Variants in TBX19 observed in about 807,000 individuals in gnomAD.
The protein encoded by TBX19 is T-box transcription factor TBX19.
TBX19 carries 33 observed loss-of-function variants against 40.9 expected under a neutral mutation model. That is an observed-to-expected ratio of 0.81 (90% CI 0.61 to 1.08). The LOEUF (loss-of-function observed/expected upper bound fraction) is 1.08. Ranked by LOEUF, TBX19 falls within the 50% of genes least tolerant of loss-of-function variation. TBX19 has a pLI of 0.00. For missense variants in TBX19, 494 were observed against 574.0 expected, an observed-to-expected ratio of 0.86 and a Z score of 1.42; for synonymous variants, 220 against 225.0, an observed-to-expected ratio of 0.98 and a Z score of 0.20.
chr1:168,297,139 G>T (rs918686453), intron 3 of TBX19, among the ~76,000 whole-genome samples: 2 of 152,166 alleles, frequency 1.3e-5, no homozygotes, highest in Admixed American at 6.5e-5. Context: ...AATGAGAAAT[G>T]AAGCAGGCTC....
At position 168,291,245 on chromosome 1, in the gene TBX19, G is replaced by T. The variant is rs2102353467; in HGVS notation, c.289G>T (p.Asp97Tyr). The T allele has an allele frequency of 6.2e-7, 1 of 1,614,228 alleles. No individual in the cohort carries two copies. The highest frequency in any genetic ancestry group is 1.3e-5 in the African/African-American group (1 of 75,060). ...CCTCCTGCTGGACTTTGTCCCTACG[G>T]ACAGTCACCGCTGGAAGTACGTCAA... ...YSLLLDFVPT[D>Y]SHRWKYVNGE... The change falls in exon 2 of 8, where the codon GAC becomes TAC. Residue 97 changes from aspartate (D) to tyrosine (Y), a missense_variant. Around this residue, in one of 3 missense-constraint regions of TBX19, gnomAD observed 201 missense variants for 235.2 expected, o/e 0.85. Coordinates refer to ENST00000367821, the MANE Select transcript of TBX19 (RefSeq NM_005149.3).
intron 2 of TBX19, among the ~76,000 whole-genome samples, chr1:168,292,872 A>G (rs910577642): frequency 6.0e-5 from 9 of 149,594 alleles, no homozygotes; most frequent in Admixed American, 5.4e-4. Flanking sequence ...TCAAAAAAAA[A>G]AAAAAAAAAA....
chr1:168,291,537 C>A, intron 2 of TBX19, 113 bp downstream of exon 2: 1 of 1,425,696 alleles, frequency 7.0e-7, no homozygotes, highest in Non-Finnish European at 9.8e-7. Flanking sequence ...AGCCTCTTCT[C>A]CCACAGAAGC....
At chr1:168,300,597 C>A in intron 5 of TBX19, 114 bp downstream of exon 5, 1 of 968,210 alleles carries the variant, frequency 1.0e-6, no homozygotes, top group Non-Finnish European at 1.6e-6. Flanking sequence ...AAATCAAAAC[C>A]CAACACACAG....
At chr1:168,292,241 C>T (rs149958758) in intron 2 of TBX19, among the ~76,000 whole-genome samples, 29 of 152,210 alleles carry the variant, frequency 1.9e-4, no homozygotes, top group Middle Eastern at 3.4e-3. Context: ...TAACACTACC[C>T]GAGTCTGTGA....
At chr1:168,291,519 T>A in intron 2 of TBX19, 95 bp downstream of exon 2, 1 of 1,552,740 alleles carries the variant, frequency 6.4e-7, no homozygotes, top group East Asian at 2.3e-5. Flanking sequence ...ATTAGAGGTG[T>A]CCTCACCAGC....
At chr1:168,298,800 C>CTCCTCCCTCCCTCCCTCCCT (rs1553289825) in intron 4 of TBX19, among the ~76,000 whole-genome samples, 4 of 8,026 alleles carry the variant, frequency 5.0e-4, no homozygotes, top group East Asian at 3.2e-3. Flanking sequence ...CTCCTCTCCT[C>CTCCTCCCTCCCTCCCTCCCT]CCCTCCCTCC....
At position 168,305,390 on chromosome 1, in the gene TBX19, C is replaced by A. The variant is rs572362861; in HGVS notation, c.916+194C>A. ...CAAATATTTGATTAACTAGGTATAA[C>A]AATCTTAGTTTTTTTTAAAAAAATT... On this transcript the variant is annotated intron_variant, in intron 6 of 7. Transcript: ENST00000367821. 1.4e-4 allele frequency among the ~76,000 whole-genome samples: 14 copies of A among 101,116 alleles called. No homozygotes were observed. In the South Asian group the frequency reaches 2.9e-3, roughly 21 times the overall value. The allele number at this position is 101,116 out of a possible 152,430, so 66.3% of individuals were successfully genotyped here.
At chr1:168,283,908 G>A (rs1449134300) in intron 1 of TBX19, among the ~76,000 whole-genome samples, 3 of 152,140 alleles carry the variant, frequency 2.0e-5, no homozygotes, top group Admixed American at 2.0e-4. Flanking sequence ...AGCGTAAGAT[G>A]GGCCGATGAA....
intron 7 of TBX19, among the ~76,000 whole-genome samples, chr1:168,309,803 T>C (rs1649482277): frequency 1.3e-5 from 2 of 152,208 alleles, no homozygotes; most frequent in Non-Finnish European, 2.9e-5. Context: ...GGCAATTTTC[T>C]TAGCCTTACT....
intron 5 of TBX19, among the ~76,000 whole-genome samples, chr1:168,303,821 A>G (rs1649339625): frequency 1.3e-5 from 2 of 152,324 alleles, no homozygotes; most frequent in South Asian, 2.1e-4. Context: ...TGGCATTTGT[A>G]AACTATCATG....
At chr1:168,293,408 A>C in intron 3 of TBX19, 130 bp downstream of exon 3, 3 of 1,206,784 alleles carry the variant, frequency 2.5e-6, no homozygotes, top group Non-Finnish European at 3.5e-6. Flanking sequence ...ATTTGGATAC[A>C]CTCAGCAGAC....
chr1:168,286,363 T>A (rs1207088509), intron 1 of TBX19, among the ~76,000 whole-genome samples: 2 of 152,230 alleles, frequency 1.3e-5, no homozygotes, highest in Non-Finnish European at 2.9e-5. Context: ...TTTTATTGCT[T>A]CAAAAGGAAG....
chr1:168,303,826 A>C (rs993649653), intron 5 of TBX19, among the ~76,000 whole-genome samples: 2 of 152,174 alleles, frequency 1.3e-5, no homozygotes, highest in African/African-American at 4.8e-5. Flanking sequence ...TTTGTAAACT[A>C]TCATGGTGCT....
rs994950334 is a variant in TBX19, at chr1:168,280,891, C to T, written c.-200C>T. 3 of 618,084 alleles carry T rather than the reference C, an allele frequency of 4.9e-6. No individual in the cohort carries two copies. Among genetic ancestry groups the T allele is most frequent in the Non-Finnish European group, 5.8e-6 (2 of 343,926 alleles). The allele number at this position is 618,084 out of a possible 1,614,324, so 38.3% of individuals were successfully genotyped here. A position where few individuals can be genotyped will look rare whatever the true frequency, so the allele number is the denominator to read the frequency against. The stretch of plus-strand genomic sequence containing the variant: ...CCCCTGCCTCCACCCCGCTCCCCAA[C>T]TAAAGCTTAACAGGTTGGTGGCATA... On this transcript the variant is annotated 5_prime_UTR_variant, in exon 1 of 8. Coordinates refer to ENST00000367821, the MANE Select transcript of TBX19 (RefSeq NM_005149.3).
chr1:168,282,069 C>T (rs1158249398), intron 1 of TBX19, among the ~76,000 whole-genome samples: 1 of 152,170 alleles, frequency 6.6e-6, no homozygotes, highest in Non-Finnish European at 1.5e-5. Flanking sequence ...GAAACAAAAT[C>T]TCACCGCTCG....
At chr1:168,283,282 A>T (rs1211171840) in intron 1 of TBX19, among the ~76,000 whole-genome samples, 1 of 152,194 alleles carries the variant, frequency 6.6e-6, no homozygotes, top group African/African-American at 2.4e-5. Context: ...TTATCTATGG[A>T]TGTCCTGCTG....
rs1648646219 is a variant in TBX19 at position 168,281,412 on chromosome 1, C to G, written c.203+119C>G. Reference sequence around the variant, plus strand: ...AGGCGGCGGGATCTGATTAAACATGCTTACAGGAACGACTGTCTCCAATGG... The same window carrying G: ...AGGCGGCGGGATCTGATTAAACATGGTTACAGGAACGACTGTCTCCAATGG... On this transcript the variant is annotated intron_variant, in intron 1 of 7. Transcript: ENST00000367821. 3 of 908,952 alleles carry G rather than the reference C, an allele frequency of 3.3e-6. No homozygotes were observed. In the Admixed American group the frequency reaches 5.9e-5, roughly 18 times the overall value. The allele number at this position is 908,952 out of a possible 1,614,324, so 56.3% of individuals were successfully genotyped here.
rs369866828 is a variant in TBX19, at chr1:168,297,674, C to T, written c.604-50C>T. On this transcript the variant is annotated intron_variant, in intron 3 of 7. Transcript: ENST00000367821. The stretch of plus-strand genomic sequence containing the variant: ...TACAGAAGACAAAGGGTTCTGTTTG[C>T]CCATGTGTATCCTACTTTTACTAAC... The T allele has an allele frequency of 4.6e-6, 7 of 1,527,572 alleles. No individual in the cohort carries two copies. In the African/African-American group the frequency reaches 9.6e-5, roughly 21 times the overall value. 94.6% of individuals were successfully genotyped at this position (1,527,572 alleles called of 1,614,324 possible). A position where few individuals can be genotyped will look rare whatever the true frequency, so the allele number is the denominator to read the frequency against.
Sources: allele counts gnomAD v4.1 joint callset (sites outside exome capture counted in the v4.1 genomes callset), GRCh38; gene constraint gnomAD v4.1.1; regional missense constraint gnomAD v4.1.1; transcripts MANE v1.5; gene names NCBI Gene and HGNC (gene_info 2026-07-23, HGNC 2026-07-21).